RIMS2: variants seen among roughly 807,000 people sequenced by gnomAD.
RIMS2 encodes the protein regulating synaptic membrane exocytosis protein 2.
A neutral mutation model predicts 174.4 loss-of-function variants in RIMS2; 59 were observed. The observed-to-expected ratio is 0.34, with a 90% confidence interval of 0.27 to 0.42. RIMS2 has a LOEUF of 0.42. Among genes scored for constraint, RIMS2 ranks in the 10% least tolerant of loss-of-function variants. RIMS2 has a pLI of 1.00. For synonymous variants in RIMS2, 606 were observed against 572.5 expected (o/e 1.06, Z -0.84); for missense variants, 1,620 against 1,666.3 (o/e 0.97, Z 0.48).
chr8:104,221,541 G>C (rs1026058), intron 19 of RIMS2, among the ~76,000 whole-genome samples: 50,495 of 152,010 alleles, frequency 0.33, 8,661 homozygotes, highest in African/African-American at 0.42. Flanking sequence ...TCATAGAGTT[G>C]TCTGGTTTTA....
chr8:103,596,122 T>C (rs1385355344), intron 1 of RIMS2, among the ~76,000 whole-genome samples: 3 of 152,042 alleles, frequency 2.0e-5, no homozygotes, highest in African/African-American at 7.2e-5. Flanking sequence ...TTTATGTACT[T>C]CTTAAATAAT....
chr8:103,501,199 G>C, intron 1 of RIMS2, 137 bp downstream of exon 1: 1 of 513,464 alleles, frequency 1.9e-6, no homozygotes, highest in Non-Finnish European at 3.1e-6. Flanking sequence ...GCTGCGGCCA[G>C]CGCCGGCCGC....
chr8:104,013,500 C>A, exon 18 of RIMS2: 1 of 1,613,810 alleles, frequency 6.2e-7, no homozygotes, highest in Non-Finnish European at 8.5e-7. Flanking sequence ...AGAACAACGG[C>A]CTCTCCTTGA....
intron 1 of RIMS2, among the ~76,000 whole-genome samples, chr8:103,650,309 T>C (rs1005918770): frequency 6.6e-6 from 1 of 152,146 alleles, no homozygotes; most frequent in Admixed American, 6.6e-5. Context: ...GGAAGCTTTT[T>C]TTCAGTGGGG....
At chr8:104,134,314 A>C (rs1289135525) in intron 19 of RIMS2, among the ~76,000 whole-genome samples, 1 of 151,996 alleles carries the variant, frequency 6.6e-6, no homozygotes, top group Non-Finnish European at 1.5e-5. Context: ...AAAATACAAA[A>C]ATTAGCCGAG....
chr8:104,232,684 G>T (rs568890129), intron 19 of RIMS2, among the ~76,000 whole-genome samples: 49 of 152,228 alleles, frequency 3.2e-4, no homozygotes, highest in African/African-American at 1.2e-3. Flanking sequence ...GGATAACTTC[G>T]GGAAAGTATA....
intron 1 of RIMS2, among the ~76,000 whole-genome samples, chr8:103,657,815 G>A (rs1390809923): frequency 6.6e-6 from 1 of 152,130 alleles, no homozygotes; most frequent in Non-Finnish European, 1.5e-5. Context: ...GTTCTGATTG[G>A]TTGGTATAGC....
intron 3 of RIMS2, among the ~76,000 whole-genome samples, chr8:103,872,516 A>C (rs948905434): frequency 2.0e-5 from 3 of 152,186 alleles, no homozygotes; most frequent in African/African-American, 7.2e-5. Context: ...TTTCTCATGT[A>C]AAAAGAAGTC....
intron 1 of RIMS2, among the ~76,000 whole-genome samples, chr8:103,502,786 T>TA (rs1563551939): frequency 6.6e-6 from 1 of 152,080 alleles, no homozygotes; most frequent in Non-Finnish European, 1.5e-5. Context: ...TTTTTTGACT[T>TA]ACCTATTTAA....
At chr8:103,551,684 T>G (rs2131607331) in intron 1 of RIMS2, among the ~76,000 whole-genome samples, 1 of 152,292 alleles carries the variant, frequency 6.6e-6, no homozygotes, top group Admixed American at 6.5e-5. Flanking sequence ...ATGATATGAT[T>G]GTATATTTAG....
At chr8:103,733,957 G>A (rs751689634) in intron 2 of RIMS2, among the ~76,000 whole-genome samples, 1 of 151,004 alleles carries the variant, frequency 6.6e-6, no homozygotes, top group Non-Finnish European at 1.5e-5. Flanking sequence ...TTCTATGGTG[G>A]GAATGATCAC....
chr8:103,752,777 T>C (rs2097911246), intron 2 of RIMS2, among the ~76,000 whole-genome samples: 1 of 152,188 alleles, frequency 6.6e-6, no homozygotes, highest in Admixed American at 6.5e-5. Context: ...TTTTGTACAT[T>C]GATTTTGTAT....
At chr8:103,956,394 A>G (rs2087225771) in intron 14 of RIMS2, among the ~76,000 whole-genome samples, 1 of 152,222 alleles carries the variant, frequency 6.6e-6, no homozygotes, top group South Asian at 2.1e-4. Flanking sequence ...CACTGGTACC[A>G]AAACAGATAT....
At chr8:104,136,433 G>A (rs1016170582) in intron 19 of RIMS2, among the ~76,000 whole-genome samples, 4 of 152,120 alleles carry the variant, frequency 2.6e-5, no homozygotes, top group Admixed American at 6.6e-5. Flanking sequence ...ATTTATTCAC[G>A]TGGATTGTGT....
At chr8:103,668,194 A>G (rs1343425037) in intron 1 of RIMS2, among the ~76,000 whole-genome samples, 1 of 152,164 alleles carries the variant, frequency 6.6e-6, no homozygotes, top group African/African-American at 2.4e-5. Context: ...ACTAGATCTG[A>G]TTGTTATCAA....
intron 1 of RIMS2, among the ~76,000 whole-genome samples, chr8:103,626,926 G>T (rs2095800756): frequency 6.6e-6 from 1 of 152,132 alleles, no homozygotes. Context: ...ACTGATGAGG[G>T]TCTATGTCCC....
At chr8:104,040,104 A>ATCAC (rs1431703480) in intron 19 of RIMS2, among the ~76,000 whole-genome samples, 3 of 151,660 alleles carry the variant, frequency 2.0e-5, no homozygotes, top group African/African-American at 7.2e-5. Context: ...TTTTCATTTT[A>ATCAC]TCACTATTCA....
At position 103,633,126 on chromosome 8, in the gene RIMS2, A is replaced by C. The variant is rs151275850; in HGVS notation, c.177-63960A>C. On this transcript the variant is annotated intron_variant, in intron 1 of 23. Transcript: ENST00000504942. ...ACTGCAACCTCCATCTCCTGAGTTC[A>C]GGCAATTCTCCTGCCTCAGCCTCCT... Among the ~76,000 whole-genome samples the C allele has an allele frequency of 3.4e-3, 504 of 149,976 alleles. 10 individuals carry two copies. In the East Asian group the frequency reaches 0.046, roughly 14 times the overall value.
At chr8:103,904,391 G>A (rs1332216097) in intron 4 of RIMS2, among the ~76,000 whole-genome samples, 1 of 151,840 alleles carries the variant, frequency 6.6e-6, no homozygotes, top group Non-Finnish European at 1.5e-5. Flanking sequence ...TGAAATTTCT[G>A]TTTATATAAA....
Sources: gnomAD v4.1 joint callset for allele counts (sites outside exome capture counted in the v4.1 genomes callset) on GRCh38, gnomAD v4.1.1 for gene constraint, MANE v1.5 for transcripts, NCBI Gene and HGNC (gene_info 2026-07-23, HGNC 2026-07-21) for gene names.